The following PTPRO variants were observed in gnomAD, a reference collection of about 807,000 sequenced individuals.
PTPRO encodes protein tyrosine phosphatase receptor type O, also known as receptor-type tyrosine-protein phosphatase O.
In PTPRO, 62 loss-of-function variants were observed where a neutral mutation model predicts 145.2. The ratio of observed to expected loss-of-function variants is 0.43; its 90% CI spans 0.35 to 0.53. The LOEUF (loss-of-function observed/expected upper bound fraction) is 0.53. Ranked by LOEUF, PTPRO falls within the 20% of genes least tolerant of loss-of-function variation. The pLI is 0.01. For synonymous variants in PTPRO, 565 were observed against 514.7 expected (o/e 1.10, Z -1.32); for missense variants, 1,345 against 1,482.7 (o/e 0.91, Z 1.53).
At chr12:15,487,128 C>A (rs1168957143) in intron 2 of PTPRO, among the ~76,000 whole-genome samples, 3 of 152,098 alleles carry the variant, frequency 2.0e-5, no homozygotes, top group Non-Finnish European at 4.4e-5. Context: ...TCACTCATTG[C>A]TAACTTTTTG....
chr12:15,575,626 C>T (rs1379816283), intron 19 of PTPRO, among the ~76,000 whole-genome samples: 3 of 152,208 alleles, frequency 2.0e-5, no homozygotes, highest in Admixed American at 6.5e-5. Flanking sequence ...GCCAACAAAA[C>T]GTAGCCTGCT....
At chr12:15,553,160 A>G (rs1943517423) in intron 15 of PTPRO, among the ~76,000 whole-genome samples, 1 of 152,070 alleles carries the variant, frequency 6.6e-6, no homozygotes, top group African/African-American at 2.4e-5. Flanking sequence ...CTGAAACTTC[A>G]TGCGTTCATA....
At chr12:15,381,871 G>A (rs1341562570) in intron 1 of PTPRO, among the ~76,000 whole-genome samples, 2 of 151,964 alleles carry the variant, frequency 1.3e-5, no homozygotes, top group Non-Finnish European at 2.9e-5. Context: ...TGAAAGTTTG[G>A]TGACTTTCTA....
At chr12:15,535,240 T>C (rs10846195) in intron 12 of PTPRO, among the ~76,000 whole-genome samples, 39,972 of 152,020 alleles carry the variant, frequency 0.26, 5,730 homozygotes, top group African/African-American at 0.35. Context: ...CAGGGGAGAA[T>C]TCTGGGCTGG....
At chr12:15,343,973 C>A (rs1371284578) in intron 1 of PTPRO, among the ~76,000 whole-genome samples, 1 of 152,302 alleles carries the variant, frequency 6.6e-6, no homozygotes, top group Admixed American at 6.5e-5. Context: ...CGTGAGCCAC[C>A]GCGCCCGGCC....
At position 15,578,846 on chromosome 12, in the gene PTPRO, T is replaced by G; in HGVS notation, c.2830-7T>G. 1 of 1,567,450 alleles carries G rather than the reference T, an allele frequency of 6.4e-7. No homozygotes were observed. The highest frequency in any genetic ancestry group is 8.8e-7 in the Non-Finnish European group (1 of 1,137,548). On this transcript the variant is annotated splice_region_variant and splice_polypyrimidine_tract_variant and intron_variant, in intron 19 of 26. Transcript: ENST00000281171. ...GAACTCTCAAATCCATTCTCTGTCC[T>G]TTACAGGAGTTGAAATTGATTGGAC... is the stretch of plus-strand genomic sequence containing the variant.
intron 1 of PTPRO, among the ~76,000 whole-genome samples, chr12:15,404,106 G>A (rs947690867): frequency 4.2e-5 from 6 of 143,056 alleles, no homozygotes; most frequent in Non-Finnish European, 7.5e-5. Flanking sequence ...TGAGGCAGGA[G>A]AATGCCTGGG....
chr12:15,379,521 G>A (rs1938792810), intron 1 of PTPRO, among the ~76,000 whole-genome samples: 1 of 101,062 alleles, frequency 9.9e-6, no homozygotes. Context: ...ACAGAGAAAA[G>A]CTCCATCTCA....
chr12:15,520,823 T>TA (rs1020679847), intron 10 of PTPRO, among the ~76,000 whole-genome samples: 1 of 152,204 alleles, frequency 6.6e-6, no homozygotes, highest in Non-Finnish European at 1.5e-5. Context: ...TTGAGCACGT[T>TA]AACTTTTCTA....
At chr12:15,368,853 T>C (rs1027119694) in intron 1 of PTPRO, among the ~76,000 whole-genome samples, 1 of 152,208 alleles carries the variant, frequency 6.6e-6, no homozygotes, top group Non-Finnish European at 1.5e-5. Flanking sequence ...ATTTTTAAGA[T>C]GACATAGAGG....
rs1222440341 is a variant in PTPRO at position 15,491,343 on chromosome 12, G to A, written c.350-5902G>A. Among the ~76,000 whole-genome samples, 8 of 152,302 alleles carry A rather than the reference G, an allele frequency of 5.3e-5. No individual in the cohort carries two copies. The East Asian group carries it at 1.5e-3, about 29-fold the overall frequency. On this transcript the variant is annotated intron_variant, in intron 2 of 26. Coordinates refer to ENST00000281171, the MANE Select transcript of PTPRO (RefSeq NM_030667.3). ...CTAAACAGAGCAATCTCAGAAAGAA[G>A]CAACTCAGCAGTTAGCATTTAATAA...
chr12:15,354,618 T>A (rs1937925081), intron 1 of PTPRO, among the ~76,000 whole-genome samples: 1 of 152,204 alleles, frequency 6.6e-6, no homozygotes, highest in Non-Finnish European at 1.5e-5. Context: ...AAGCATTTAT[T>A]TGACTGCTTG....
At chr12:15,593,450 C>A (rs768035202) in intron 25 of PTPRO, among the ~76,000 whole-genome samples, 1 of 152,140 alleles carries the variant, frequency 6.6e-6, no homozygotes, top group African/African-American at 2.4e-5. Flanking sequence ...TTGGTGATTT[C>A]ATTTTGGCTT....
intron 24 of PTPRO, chr12:15,587,326 C>T (rs1944450896): frequency 4.5e-6 from 2 of 445,626 alleles, no homozygotes; most frequent in African/African-American, 2.0e-5. Context: ...GTTCATGCAA[C>T]TAGAACATGG....
At chr12:15,446,198 G>T (rs1385788585) in intron 1 of PTPRO, among the ~76,000 whole-genome samples, 1 of 151,854 alleles carries the variant, frequency 6.6e-6, no homozygotes. Flanking sequence ...AAATGTTGGG[G>T]GTTTGTTTTT....
At chr12:15,497,444 CT>C (rs770002949) in intron 3 of PTPRO, 41 bp downstream of exon 3, 11 of 1,592,410 alleles carry the variant, frequency 6.9e-6, no homozygotes, top group Non-Finnish European at 6.0e-6. Flanking sequence ...ATGACCCTCA[CT>C]TTTTACAAAG....
intron 23 of PTPRO, 130 bp from the exon 24 acceptor site, chr12:15,586,767 G>A: frequency 1.0e-6 from 1 of 982,990 alleles, no homozygotes. Context: ...GCTCAAAGCT[G>A]GAAAGGAAAG....
At chr12:15,546,482 TG>T in intron 12 of PTPRO, 86 bp from the exon 13 acceptor site, 2 of 1,540,656 alleles carry the variant, frequency 1.3e-6, no homozygotes, top group Non-Finnish European at 8.8e-7. Context: ...ATATTTGAAT[TG>T]GGGGATGCTT....
At position 15,416,611 on chromosome 12, in the gene PTPRO, G is replaced by A. The variant is rs909148982; in HGVS notation, c.76-67363G>A. Among the ~76,000 whole-genome samples, 28 of 151,414 alleles carry A rather than the reference G, an allele frequency of 1.8e-4. 1 individual carries two copies. The highest frequency in any genetic ancestry group is 3.9e-4 in the East Asian group (2 of 5,176). On this transcript the variant is annotated intron_variant, in intron 1 of 26. Transcript: ENST00000281171. ...TGGGATTACAGGCATGAGCCACCGCGCCCAGCCGGTTCCTCTCTCTTAATT... is the reference window on the plus strand; with the variant it reads ...TGGGATTACAGGCATGAGCCACCGCACCCAGCCGGTTCCTCTCTCTTAATT...
Sources: allele counts gnomAD v4.1 joint callset (sites outside exome capture counted in the v4.1 genomes callset), GRCh38; gene constraint gnomAD v4.1.1; transcripts MANE v1.5; gene names NCBI Gene and HGNC (gene_info 2026-07-23, HGNC 2026-07-21).